AKR1C3: variants seen among roughly 807,000 people sequenced by gnomAD.
The protein encoded by AKR1C3 is 3-alpha hydroxysteroid dehydrogenase, type II.
AKR1C3 carries 48 observed loss-of-function variants against 43.6 expected under a neutral mutation model. The ratio of observed to expected loss-of-function variants is 1.10; its 90% CI spans 0.87 to 1.40. The LOEUF is 1.40. AKR1C3 is among the 40% of genes most tolerant of loss of function. The probability of loss-of-function intolerance (pLI) is 0.00; values close to 1 mark genes in which losing one functional copy is unlikely to be tolerated. For synonymous variants in AKR1C3, 162 were observed against 139.6 expected (o/e 1.16, Z -1.13); for missense variants, 482 against 391.2 (o/e 1.23, Z -1.96).
intron 1 of AKR1C3, among the ~76,000 whole-genome samples, chr10:5,060,035 T>A (rs1838350018): frequency 6.6e-6 from 1 of 151,996 alleles, no homozygotes; most frequent in African/African-American, 2.4e-5. Context: ...TGCAGACCTT[T>A]GTGGTGAGTG....
At position 5,105,752 on chromosome 10, in the gene AKR1C3, T is replaced by G. The variant is rs964889668; in HGVS notation, c.929+75T>G. On this transcript the variant is annotated intron_variant, in intron 8 of 8. Transcript: ENST00000380554. ...TGTAGGATGGGTGTTGAGAGTGACCTCCATACCAGAGGGACAGAGGCCAAT... is the reference window on the plus strand; with the variant it reads ...TGTAGGATGGGTGTTGAGAGTGACCGCCATACCAGAGGGACAGAGGCCAAT... 3.7e-5 allele frequency: 44 copies of G among 1,179,102 alleles called. No homozygotes were observed. The Admixed American group carries it at 4.6e-4, about 12-fold the overall frequency. The allele number at this position is 1,179,102 out of a possible 1,614,324, so 73.0% of individuals were successfully genotyped here. A position where few individuals can be genotyped will look rare whatever the true frequency, so the allele number is the denominator to read the frequency against.
In AKR1C3 at chr10:5,105,591, A is replaced by T; in HGVS notation, c.847-4A>T. The T allele has an allele frequency of 6.2e-7, 1 of 1,611,784 alleles. No individual in the cohort carries two copies. The highest frequency in any genetic ancestry group is 8.5e-7 in the Non-Finnish European group (1 of 1,178,716). On this transcript the variant is annotated splice_region_variant and splice_polypyrimidine_tract_variant and intron_variant, in intron 7 of 8. Transcript: ENST00000380554. ...AAATAATAAAAGTTTTTTATTTCTG[A>T]TAGGTTTTTGAGTTCCAGTTGACTG...
intron 1 of AKR1C3, chr10:5,081,003 T>C (rs1455891406): frequency 6.7e-6 from 1 of 149,774 alleles, no homozygotes; most frequent in Non-Finnish European, 1.5e-5. Context: ...GGTTACTGAT[T>C]AGTTAGGGTG....
chr10:5,087,581 G>A (rs1838999014), intron 1 of AKR1C3, among the ~76,000 whole-genome samples: 1 of 151,540 alleles, frequency 6.6e-6, no homozygotes, highest in Non-Finnish European at 1.5e-5. Flanking sequence ...TCACCATGTT[G>A]GCCAGGCTAG....
intron 7 of AKR1C3, among the ~76,000 whole-genome samples, chr10:5,103,079 A>G (rs12775922): frequency 0.26 from 39,492 of 151,568 alleles, 5,349 homozygotes; most frequent in Middle Eastern, 0.37. Context: ...TTAATAGAGA[A>G]GGTATTTCAC....
chr10:5,098,892 C>A lies in AKR1C3; in HGVS notation c.447+13C>A, dbSNP rs115177818. 1 of 1,596,376 alleles carries A rather than the reference C, an allele frequency of 6.3e-7. No homozygotes were observed. The highest frequency in any genetic ancestry group is 1.1e-5 in the South Asian group (1 of 88,858). On this transcript the variant is annotated intron_variant, in intron 4 of 8. Coordinates refer to ENST00000380554, the MANE Select transcript of AKR1C3 (RefSeq NM_003739.6). ...TACCACCTGGGAGGTGAGTGCTTGGCGGAGAGGACACAGAGAAGGATGACA... is the reference window on the plus strand; with the variant it reads ...TACCACCTGGGAGGTGAGTGCTTGGAGGAGAGGACACAGAGAAGGATGACA...
chr10:5,051,578 C>T (rs181114245), intron 1 of AKR1C3, among the ~76,000 whole-genome samples: 13 of 152,338 alleles, frequency 8.5e-5, no homozygotes, highest in Admixed American at 2.6e-4. Context: ...TGCTACCCCC[C>T]AGTAATGGAA....
intron 1 of AKR1C3, among the ~76,000 whole-genome samples, chr10:5,087,443 G>A (rs1397368175): frequency 6.7e-6 from 1 of 148,822 alleles, no homozygotes; most frequent in Non-Finnish European, 1.5e-5. Flanking sequence ...GGCAATCTCA[G>A]CTCACTGAAA....
At position 5,096,403 on chromosome 10, in the gene AKR1C3, C is replaced by T. The variant is rs782153521; in HGVS notation, c.85-7C>T. 21 of 1,612,112 alleles carry T rather than the reference C, an allele frequency of 1.3e-5. 1 individual carries two copies. In the South Asian group the frequency reaches 2.1e-4, roughly 16 times the overall value. On this transcript the variant is annotated splice_polypyrimidine_tract_variant and splice_region_variant and intron_variant, in intron 1 of 8. Coordinates refer to ENST00000380554, the MANE Select transcript of AKR1C3 (RefSeq NM_003739.6). ...TCACCAGATACTACCTTTGGTTGCTCCTCCAGGTTCCGAGAAGTAAAGCTT... is the reference window on the plus strand; with the variant it reads ...TCACCAGATACTACCTTTGGTTGCTTCTCCAGGTTCCGAGAAGTAAAGCTT...
intron 1 of AKR1C3, among the ~76,000 whole-genome samples, chr10:5,072,789 G>C (rs1288641769): frequency 6.6e-6 from 1 of 152,082 alleles, no homozygotes; most frequent in Non-Finnish European, 1.5e-5. Flanking sequence ...AAAAATGGTG[G>C]TGTTAGGCCT....
At chr10:5,096,838 A>G (rs1194518929) in intron 2 of AKR1C3, among the ~76,000 whole-genome samples, 1 of 152,160 alleles carries the variant, frequency 6.6e-6, no homozygotes, top group Non-Finnish European at 1.5e-5. Context: ...GACATGTGCT[A>G]TAGAATCACA....
rs35858845 is a variant in AKR1C3, at chr10:5,064,921, C to CAAAA, written c.84+16035_84+16038dup. ...CTACAAGAAACCTAAACAAAATAAG[C>CAAAA]AAAAAAAAAAAATTAAAAAGTGGGG... On this transcript the variant is annotated intron_variant, in intron 1 of 8. Coordinates refer to the AKR1C3 transcript ENST00000439082. Among the ~76,000 whole-genome samples, 9 of 141,892 alleles carry CAAAA rather than the reference C, an allele frequency of 6.3e-5. 1 individual carries two copies. The highest frequency in any genetic ancestry group is 2.1e-4 in the African/African-American group (8 of 37,590). 93.1% of individuals were successfully genotyped at this position (141,892 alleles called of 152,430 possible). A position where few individuals can be genotyped will look rare whatever the true frequency, so the allele number is the denominator to read the frequency against.
Position 5,107,591 on chromosome 10 carries a change from C to A in AKR1C3, c.*88C>A. ...TCTCTATGCCGGTGACTGGACATAT[C>A]ACCTCTACTTAAATCCGTCCTGTTT... On this transcript the variant is annotated 3_prime_UTR_variant, in exon 9 of 9. Transcript: ENST00000380554. 1 of 1,055,990 alleles carries A rather than the reference C, an allele frequency of 9.5e-7. No homozygotes were observed. Among genetic ancestry groups the A allele is most frequent in the Non-Finnish European group, 1.4e-6 (1 of 693,204 alleles). The allele number at this position is 1,055,990 out of a possible 1,614,324, so 65.4% of individuals were successfully genotyped here.
chr10:5,056,372 G>T (rs1184117061), intron 1 of AKR1C3, among the ~76,000 whole-genome samples: 2 of 152,172 alleles, frequency 1.3e-5, no homozygotes, highest in African/African-American at 4.8e-5. Flanking sequence ...AGAGAGCAGG[G>T]TATAGGGATT....
intron 1 of AKR1C3, among the ~76,000 whole-genome samples, chr10:5,072,177 A>G (rs1259241592): frequency 6.6e-6 from 1 of 152,210 alleles, no homozygotes; most frequent in Admixed American, 6.5e-5. Context: ...TTAGGGATTT[A>G]CAAATGTGTT....
chr10:5,099,498 C>T lies in AKR1C3; in HGVS notation c.570+49C>T, dbSNP rs112781927. 8.1e-6 allele frequency: 13 copies of T among 1,612,510 alleles called. No homozygotes were observed. The East Asian group carries it at 1.6e-4, about 19-fold the overall frequency. On this transcript the variant is annotated intron_variant, in intron 5 of 8. Transcript: ENST00000380554. Reference sequence around the variant, plus strand: ...CTTTCGGTTCTTCATGCCCCCTCTTCCTGTCCTATTGCCAAATATCTGTTT... The same window carrying T: ...CTTTCGGTTCTTCATGCCCCCTCTTTCTGTCCTATTGCCAAATATCTGTTT...
At chr10:5,063,944 G>T (rs574036746) in intron 1 of AKR1C3, among the ~76,000 whole-genome samples, 1 of 151,852 alleles carries the variant, frequency 6.6e-6, no homozygotes, top group African/African-American at 2.4e-5. Context: ...TCATTGCCTC[G>T]CCAACTACGT....
intron 1 of AKR1C3, among the ~76,000 whole-genome samples, chr10:5,057,949 A>G (rs538539794): frequency 1.3e-5 from 2 of 152,212 alleles, no homozygotes; most frequent in South Asian, 4.1e-4. Context: ...TGTACCTATC[A>G]GGATCATCTG....
At chr10:5,064,384 A>C (rs781999396) in intron 1 of AKR1C3, among the ~76,000 whole-genome samples, 5 of 152,184 alleles carry the variant, frequency 3.3e-5, no homozygotes, top group Admixed American at 6.5e-5. Flanking sequence ...AATCAACTCA[A>C]AATATATTAA....
Sources: allele counts gnomAD v4.1 joint callset (sites outside exome capture counted in the v4.1 genomes callset), GRCh38; gene constraint gnomAD v4.1.1; transcripts MANE v1.5; gene names NCBI Gene and HGNC (gene_info 2026-07-23, HGNC 2026-07-21).